Variants in TLN2 observed in about 807,000 individuals in gnomAD.
TLN2 encodes the protein talin 2, also known as talin-2.
In TLN2, 118 loss-of-function variants were observed where a neutral mutation model predicts 294.7. That is an observed-to-expected ratio of 0.40 (90% CI 0.34 to 0.47). The LOEUF (loss-of-function observed/expected upper bound fraction) is 0.47. Ranked by LOEUF, TLN2 falls within the 20% of genes least tolerant of loss-of-function variation. The pLI is 0.84. For synonymous variants in TLN2, 1,431 were observed against 1,304.5 expected (o/e 1.10, Z -2.09); for missense variants, 3,083 against 3,282.2 (o/e 0.94, Z 1.48).
At chr15:62,636,670 G>A (rs533048403) in intron 3 of TLN2, among the ~76,000 whole-genome samples, 6 of 152,108 alleles carry the variant, frequency 3.9e-5, no homozygotes, top group South Asian at 2.1e-4. Flanking sequence ...TTCTTGTCTG[G>A]TCCTTGCAGG....
At chr15:62,723,538 CTTTTTTT>C (rs555674609) in intron 26 of TLN2, among the ~76,000 whole-genome samples, 1 of 107,220 alleles carries the variant, frequency 9.3e-6, no homozygotes, top group East Asian at 3.1e-4. Flanking sequence ...ACTGTGAAAA[CTTTTTTT>C]TTTTTTTTTT....
intron 1 of TLN2, among the ~76,000 whole-genome samples, chr15:62,570,784 G>A (rs1254090371): frequency 1.3e-5 from 2 of 152,204 alleles, no homozygotes; most frequent in African/African-American, 4.8e-5. Flanking sequence ...AGACAACACT[G>A]AATGTCTCCT....
intron 1 of TLN2, among the ~76,000 whole-genome samples, chr15:62,482,602 CA>C (rs781297837): frequency 0.043 from 3,224 of 75,808 alleles, 22 homozygotes; most frequent in Non-Finnish European, 0.05. Context: ...AACGTTGTCT[CA>C]AAAAAAAAAA....
chr15:62,696,112 T>A (rs2058313010), intron 14 of TLN2, among the ~76,000 whole-genome samples: 1 of 152,244 alleles, frequency 6.6e-6, no homozygotes, highest in Non-Finnish European at 1.5e-5. Flanking sequence ...CCTTCCCTGG[T>A]GTCTCACCAC....
intron 54 of TLN2, among the ~76,000 whole-genome samples, chr15:62,822,210 TC>T (rs1167686462): frequency 2.6e-5 from 4 of 152,236 alleles, no homozygotes; most frequent in Non-Finnish European, 2.9e-5. Flanking sequence ...TTATTAAAGT[TC>T]CTACCCCATA....
intron 52 of TLN2, among the ~76,000 whole-genome samples, chr15:62,815,177 T>TCTCACACACACACACACACACA (rs1349363288): frequency 1.4e-5 from 2 of 140,592 alleles, no homozygotes; most frequent in African/African-American, 5.5e-5. Context: ...ATTCTGTCTG[T>TCTCACACACACACACACACACA]CACACACACA....
At chr15:62,589,589 C>T (rs980179618) in intron 1 of TLN2, 98 bp from the exon 2 acceptor site, 5 of 152,114 alleles carry the variant, frequency 3.3e-5, no homozygotes, top group Non-Finnish European at 7.4e-5. Flanking sequence ...TGAGTTATTT[C>T]CTTTCATGCT....
At chr15:62,722,962 T>C (rs148617549) in intron 26 of TLN2, among the ~76,000 whole-genome samples, 191 of 152,340 alleles carry the variant, frequency 1.3e-3, no homozygotes, top group African/African-American at 3.9e-3. Flanking sequence ...TTTTCACTTA[T>C]TGCGTGGGAG....
At chr15:62,470,929 G>T (rs1567003479) in intron 1 of TLN2, among the ~76,000 whole-genome samples, 1 of 152,202 alleles carries the variant, frequency 6.6e-6, no homozygotes, top group Non-Finnish European at 1.5e-5. Context: ...ATAATTCTGG[G>T]ACATTGCTAA....
chr15:62,707,326 G>A (rs2141117065), intron 20 of TLN2, 73 bp downstream of exon 20: 1 of 1,476,510 alleles, frequency 6.8e-7, no homozygotes, highest in Non-Finnish European at 9.0e-7. Flanking sequence ...CATTTGGTGT[G>A]TAGCAGGGGC....
chr15:62,766,793 C>G (rs1371990164), intron 41 of TLN2, among the ~76,000 whole-genome samples: 4 of 152,166 alleles, frequency 2.6e-5, no homozygotes, highest in African/African-American at 9.7e-5. Flanking sequence ...CCGGCCAGCC[C>G]CATTCTGGTA....
At chr15:62,609,817 C>T (rs1368997055) in intron 2 of TLN2, among the ~76,000 whole-genome samples, 3 of 152,106 alleles carry the variant, frequency 2.0e-5, no homozygotes, top group African/African-American at 7.2e-5. Flanking sequence ...CTATCCCATC[C>T]CTCGTGAAAA....
intron 2 of TLN2, among the ~76,000 whole-genome samples, chr15:62,597,644 C>T (rs1459656958): frequency 1.3e-5 from 2 of 152,196 alleles, no homozygotes; most frequent in African/African-American, 4.8e-5. Flanking sequence ...CTCGTGATTA[C>T]TACAGCTTGA....
intron 58 of TLN2, among the ~76,000 whole-genome samples, chr15:62,839,925 G>A (rs2070410868): frequency 6.6e-6 from 1 of 152,194 alleles, no homozygotes; most frequent in Admixed American, 6.5e-5. Flanking sequence ...AACTGACTTT[G>A]CTTTTTTGAA....
chr15:62,795,547 G>A (rs993076956), intron 46 of TLN2, among the ~76,000 whole-genome samples: 2 of 152,102 alleles, frequency 1.3e-5, no homozygotes, highest in Non-Finnish European at 2.9e-5. Flanking sequence ...ATGGCTTGCA[G>A]GAGTGTTAGA....
chr15:62,613,022 A>G (rs555914067), intron 2 of TLN2, among the ~76,000 whole-genome samples: 1 of 152,328 alleles, frequency 6.6e-6, no homozygotes, highest in South Asian at 2.1e-4. Flanking sequence ...GGAGTAGTTA[A>G]GAGCTAGGGC....
In TLN2 at chr15:62,720,852, C is replaced by CAT. The variant is rs199934601; in HGVS notation, c.2991+972_2991+973insAT. ...TTTAATTTTTTGCCATCATGAATAACGTGATAAAAATCTTTATGTGCTCAA... is the reference window on the plus strand; with the variant it reads ...TTTAATTTTTTGCCATCATGAATAACATGTGATAAAAATCTTTATGTGCTCAA... On this transcript the variant is annotated intron_variant, in intron 25 of 58. Coordinates refer to ENST00000636159, the MANE Select transcript of TLN2 (RefSeq NM_015059.3). Among the ~76,000 whole-genome samples, 1,289 of 152,216 alleles carry CAT rather than the reference C, an allele frequency of 8.5e-3. 19 individuals carry two copies. Among genetic ancestry groups the CAT allele is most frequent in the African/African-American group, 0.029 (1,191 of 41,526 alleles).
At chr15:62,640,374 G>A (rs1029227496) in intron 3 of TLN2, 1 of 457,018 alleles carries the variant, frequency 2.2e-6, no homozygotes, top group Non-Finnish European at 4.4e-6. Context: ...TAGAGGCAGA[G>A]AGAAGAGGGG....
At chr15:62,484,804 C>A (rs1250663361) in intron 1 of TLN2, among the ~76,000 whole-genome samples, 1 of 152,182 alleles carries the variant, frequency 6.6e-6, no homozygotes, top group Non-Finnish European at 1.5e-5. Context: ...CCTAACTTCT[C>A]AAAAGGGATG....
Sources: gnomAD v4.1 joint callset for allele counts (sites outside exome capture counted in the v4.1 genomes callset) on GRCh38, gnomAD v4.1.1 for gene constraint, MANE v1.5 for transcripts, NCBI Gene and HGNC (gene_info 2026-07-23, HGNC 2026-07-21) for gene names.